Variants in ROBO2 observed in about 807,000 individuals in gnomAD.
ROBO2 encodes roundabout homolog 2.
A neutral mutation model predicts 160.8 loss-of-function variants in ROBO2; 53 were observed. The observed-to-expected ratio is 0.33, with a 90% confidence interval of 0.26 to 0.41. ROBO2 has a LOEUF of 0.41. Among genes scored for constraint, ROBO2 ranks in the 10% least tolerant of loss-of-function variants. The pLI is 1.00. For missense variants in ROBO2, 1,577 were observed against 1,722.4 expected, an observed-to-expected ratio of 0.92 and a Z score of 1.49; for synonymous variants, 664 against 611.7, an observed-to-expected ratio of 1.09 and a Z score of -1.26.
intron 2 of ROBO2, among the ~76,000 whole-genome samples, chr3:75,952,599 C>T (rs768896873): frequency 4.6e-5 from 7 of 151,906 alleles, no homozygotes; most frequent in Non-Finnish European, 7.4e-5. Context: ...TAGTGTGGTA[C>T]ATTTGTTATA....
At chr3:77,232,617 G>T (rs372718407) in intron 2 of ROBO2, among the ~76,000 whole-genome samples, 64 of 152,266 alleles carry the variant, frequency 4.2e-4, no homozygotes, top group African/African-American at 1.5e-3. Context: ...GAATTACCCA[G>T]GATTGAGGGA....
chr3:76,311,350 C>G (rs879664360), intron 2 of ROBO2: 1 of 152,190 alleles, frequency 6.6e-6, no homozygotes, highest in East Asian at 1.9e-4. Context: ...TTTTGATGCT[C>G]TTCCTCTCTG....
intron 2 of ROBO2, among the ~76,000 whole-genome samples, chr3:77,352,521 G>A (rs569747195): frequency 6.6e-6 from 1 of 152,048 alleles, no homozygotes; most frequent in Non-Finnish European, 1.5e-5. Flanking sequence ...GAATTGCAAG[G>A]CTACGACATG....
chr3:76,788,197 T>G (rs1006801960), intron 2 of ROBO2, among the ~76,000 whole-genome samples: 1 of 151,314 alleles, frequency 6.6e-6, no homozygotes, highest in Non-Finnish European at 1.5e-5. Flanking sequence ...CAAATAATAA[T>G]ATAATAATAA....
intron 2 of ROBO2, among the ~76,000 whole-genome samples, chr3:77,019,177 CAG>C (rs1408962076): frequency 6.6e-6 from 1 of 152,156 alleles, no homozygotes; most frequent in Non-Finnish European, 1.5e-5. Flanking sequence ...TTATAGACAA[CAG>C]AAGTGTATTT....
intron 2 of ROBO2, among the ~76,000 whole-genome samples, chr3:76,645,331 A>G (rs1290258308): frequency 6.6e-6 from 1 of 152,208 alleles, no homozygotes; most frequent in East Asian, 1.9e-4. Flanking sequence ...AATTGGAAAC[A>G]GAAATAAAAA....
At chr3:77,629,916 C>T (rs1028057590) in intron 23 of ROBO2, 3 of 152,122 alleles carry the variant, frequency 2.0e-5, no homozygotes, top group Admixed American at 6.6e-5. Flanking sequence ...AGTTCCTAAT[C>T]TCCAGAATTC....
intron 2 of ROBO2, among the ~76,000 whole-genome samples, chr3:77,337,475 C>T (rs2066606101): frequency 6.6e-6 from 1 of 151,794 alleles, no homozygotes; most frequent in Non-Finnish European, 1.5e-5. Context: ...TGTTTGATCC[C>T]TCAAAATTCA....
chr3:77,338,195 T>A (rs962747738), intron 2 of ROBO2, among the ~76,000 whole-genome samples: 4 of 152,184 alleles, frequency 2.6e-5, no homozygotes, highest in Non-Finnish European at 4.4e-5. Context: ...GGTCCAGGAT[T>A]AAGAAAAAAA....
intron 6 of ROBO2, among the ~76,000 whole-genome samples, chr3:77,528,612 T>A (rs1026379178): frequency 6.6e-6 from 1 of 151,660 alleles, no homozygotes; most frequent in Admixed American, 6.6e-5. Flanking sequence ...CTCTATAAAA[T>A]GGAGAGAATA....
chr3:75,923,370 C>T (rs1360350532), intron 1 of ROBO2, among the ~76,000 whole-genome samples: 1 of 152,220 alleles, frequency 6.6e-6, no homozygotes. Flanking sequence ...AAATATGTTT[C>T]TGCATTTACA....
chr3:76,155,987 T>A (rs147633007), intron 2 of ROBO2, among the ~76,000 whole-genome samples: 2 of 151,654 alleles, frequency 1.3e-5, no homozygotes, highest in African/African-American at 4.8e-5. Flanking sequence ...CCAAAAGACA[T>A]ATTGATTTTA....
chr3:76,138,035 T>C (rs1055615835), intron 2 of ROBO2, among the ~76,000 whole-genome samples: 2 of 151,992 alleles, frequency 1.3e-5, no homozygotes, highest in Non-Finnish European at 2.9e-5. Flanking sequence ...ATGGGGACAA[T>C]TATTCTACCT....
chr3:77,293,020 CA>C (rs781356487), intron 2 of ROBO2, among the ~76,000 whole-genome samples: 1 of 149,290 alleles, frequency 6.7e-6, no homozygotes. Flanking sequence ...GCTAGATCAC[CA>C]AAGACATAAA....
At chr3:77,185,024 T>C (rs182886211) in intron 2 of ROBO2, among the ~76,000 whole-genome samples, 3 of 151,282 alleles carry the variant, frequency 2.0e-5, no homozygotes, top group Non-Finnish European at 2.9e-5. Context: ...GTATAATGCA[T>C]GGAGCAGATA....
chr3:76,319,469 C>T (rs906565242), intron 2 of ROBO2, among the ~76,000 whole-genome samples: 23 of 151,694 alleles, frequency 1.5e-4, no homozygotes, highest in African/African-American at 4.6e-4. Flanking sequence ...AGGAATATTC[C>T]TTTCCCTTTA....
At chr3:76,049,401 A>ATTTTTTTTTTTTTTTTTTTT (rs1306305555) in intron 2 of ROBO2, among the ~76,000 whole-genome samples, 3 of 63,736 alleles carry the variant, frequency 4.7e-5, no homozygotes, top group African/African-American at 1.1e-4. Context: ...ATATATATAT[A>ATTTTTTTTTTTTTTTTTTTT]TATTTTTTTT....
chr3:76,335,563 A>G (rs1391439682), intron 2 of ROBO2, among the ~76,000 whole-genome samples: 1 of 149,378 alleles, frequency 6.7e-6, no homozygotes, highest in Non-Finnish European at 1.5e-5. Flanking sequence ...ATATATTCCC[A>G]TCATCATCAA....
chr3:76,054,317 C>G (rs1222586835), intron 2 of ROBO2, among the ~76,000 whole-genome samples: 8 of 152,210 alleles, frequency 5.3e-5, no homozygotes, highest in Admixed American at 2.6e-4. Context: ...CCTCTCCTCC[C>G]TAGCCCTACC....
Sources: allele counts gnomAD v4.1 joint callset (sites outside exome capture counted in the v4.1 genomes callset), GRCh38; gene constraint gnomAD v4.1.1; transcripts MANE v1.5; gene names NCBI Gene and HGNC (gene_info 2026-07-23, HGNC 2026-07-21).